The following NCEH1 variants were observed in gnomAD, a reference collection of about 807,000 sequenced individuals.
NCEH1 encodes neutral cholesterol ester hydrolase 1.
A neutral mutation model predicts 25.4 loss-of-function variants in NCEH1; 9 were observed. The observed-to-expected ratio is 0.35, with a 90% CI of 0.21 to 0.62. The LOEUF is 0.62. NCEH1 is among the 20% of genes least tolerant of loss of function. The probability of loss-of-function intolerance (pLI) is 0.72; values close to 1 mark genes in which losing one functional copy is unlikely to be tolerated. For synonymous variants in NCEH1, 200 were observed against 199.8 expected, an observed-to-expected ratio of 1.00 and a Z score of -0.01; for missense variants, 412 against 501.1, an observed-to-expected ratio of 0.82 and a Z score of 1.70.
intron 1 of NCEH1, among the ~76,000 whole-genome samples, chr3:172,685,149 T>C (rs1346953965): frequency 6.6e-6 from 1 of 151,140 alleles, no homozygotes; most frequent in Non-Finnish European, 1.5e-5. Flanking sequence ...AAAAGCTAGC[T>C]GGGTGTGGCA....
intron 1 of NCEH1, among the ~76,000 whole-genome samples, chr3:172,690,374 A>G (rs1045162946): frequency 3.9e-5 from 6 of 152,248 alleles, no homozygotes; most frequent in Non-Finnish European, 7.3e-5. Flanking sequence ...AGAGATTCCA[A>G]TTAAACAAGG....
At chr3:172,643,146 G>C (rs1373647928) in intron 3 of NCEH1, among the ~76,000 whole-genome samples, 1 of 151,992 alleles carries the variant, frequency 6.6e-6, no homozygotes, top group East Asian at 1.9e-4. Context: ...CCATGTTGTT[G>C]ATCAGGCTGG....
intron 3 of NCEH1, 38 bp downstream of exon 3, chr3:172,645,585 A>G (rs761281602): frequency 7.8e-5 from 104 of 1,329,978 alleles, no homozygotes; most frequent in Non-Finnish European, 1.5e-5. Flanking sequence ...GAATTCCTTT[A>G]TAAGAAAAAT....
In NCEH1 at chr3:172,631,987, C is replaced by T. The variant is rs1358833718; in HGVS notation, c.*1488G>A. 6.6e-6 allele frequency: 1 copy of T among 152,636 alleles called. No homozygotes were observed. The highest frequency in any genetic ancestry group is 2.4e-5 in the African/African-American group (1 of 41,458). The allele number at this position is 152,636 out of a possible 1,614,324, so 9.5% of individuals were successfully genotyped here. ...GTTCCCACTGGCAGTGAAGACTTTA[C>T]ATGAAGTTAAGCTTGGGCTGTTGAA... On this transcript the variant is annotated 3_prime_UTR_variant, in exon 5 of 5. Transcript: ENST00000475381.
intron 1 of NCEH1, among the ~76,000 whole-genome samples, chr3:172,696,061 CTT>C (rs1245211399): frequency 1.3e-5 from 2 of 152,128 alleles, no homozygotes; most frequent in African/African-American, 2.4e-5. Flanking sequence ...GACCCTAAAA[CTT>C]TAACTTTAGG....
chr3:172,672,384 G>A (rs763696766), intron 1 of NCEH1, among the ~76,000 whole-genome samples: 2 of 152,062 alleles, frequency 1.3e-5, no homozygotes, highest in Non-Finnish European at 2.9e-5. Context: ...TTTTTAATAC[G>A]CGTTTTAGAA....
At chr3:172,692,752 A>G (rs1006306879) in intron 1 of NCEH1, among the ~76,000 whole-genome samples, 3 of 152,164 alleles carry the variant, frequency 2.0e-5, no homozygotes, top group Admixed American at 6.5e-5. Flanking sequence ...TCATCCTATT[A>G]TTAGCTTATT....
At chr3:172,674,443 CAAAAAAAAAAA>C (rs146923940) in intron 1 of NCEH1, among the ~76,000 whole-genome samples, 1 of 71,038 alleles carries the variant, frequency 1.4e-5, no homozygotes, top group Admixed American at 1.6e-4. Context: ...ACTCTGTCTC[CAAAAAAAAAAA>C]AAAAAAAAAA....
intron 1 of NCEH1, among the ~76,000 whole-genome samples, chr3:172,698,120 G>A (rs1206431085): frequency 6.6e-6 from 1 of 151,904 alleles, no homozygotes; most frequent in Non-Finnish European, 1.5e-5. Flanking sequence ...GGGATTACAG[G>A]CACCCGCCAC....
intron 3 of NCEH1, among the ~76,000 whole-genome samples, chr3:172,638,758 G>C (rs1716716364): frequency 6.6e-6 from 1 of 152,178 alleles, no homozygotes. Flanking sequence ...TGAGTTTTTA[G>C]ATGTTATTTC....
At chr3:172,639,349 T>C (rs1431275432) in intron 3 of NCEH1, among the ~76,000 whole-genome samples, 1 of 150,252 alleles carries the variant, frequency 6.7e-6, no homozygotes, top group East Asian at 1.9e-4. Context: ...ATCCTGAAAG[T>C]AGATATTTAT....
intron 1 of NCEH1, among the ~76,000 whole-genome samples, chr3:172,656,493 G>A (rs1339189091): frequency 6.6e-6 from 1 of 152,120 alleles, no homozygotes; most frequent in Non-Finnish European, 1.5e-5. Context: ...TTGGCTGGGC[G>A]CAGTGGCTCA....
intron 1 of NCEH1, among the ~76,000 whole-genome samples, chr3:172,676,980 T>C (rs2108517273): frequency 6.6e-6 from 1 of 152,258 alleles, no homozygotes; most frequent in South Asian, 2.1e-4. Flanking sequence ...GTACACGAGG[T>C]CATAAACAAA....
At chr3:172,687,610 A>AGGGAGTC in intron 1 of NCEH1, among the ~76,000 whole-genome samples, 1 of 152,330 alleles carries the variant, frequency 6.6e-6, no homozygotes, top group Non-Finnish European at 1.5e-5. Context: ...ATCAGGGAGT[A>AGGGAGTC]GGGAGTCTTG....
At position 172,647,929 on chromosome 3, in the gene NCEH1, G is replaced by A. The variant is rs754484204; in HGVS notation, c.324C>T (p.Ser108=). ...PPKPEEPLKR[S]VVYIHGGGWA... ...AGCCTCCTCCGTGGATATAAACGAC[G>A]CTGCGTTTCAGTGGCTCTTCGGGCT... Residue 108 remains serine (S), a synonymous_variant, in exon 2 of 5, where the codon AGC becomes AGT. Transcript: ENST00000475381. The A allele has an allele frequency of 1.6e-5, 26 of 1,614,058 alleles. No individual in the cohort carries two copies. The South Asian group carries it at 1.6e-4, about 10-fold the overall frequency.
intron 1 of NCEH1, among the ~76,000 whole-genome samples, chr3:172,686,325 T>C (rs1373943244): frequency 1.3e-5 from 2 of 152,218 alleles, no homozygotes; most frequent in African/African-American, 4.8e-5. Context: ...CTCTGCTGGA[T>C]CCAGTTCTTT....
intron 1 of NCEH1, among the ~76,000 whole-genome samples, chr3:172,693,451 C>G (rs1348282067): frequency 7.0e-6 from 1 of 142,720 alleles, no homozygotes; most frequent in Admixed American, 7.0e-5. Context: ...CTTCTAAAGC[C>G]TGAATATGAA....
At chr3:172,655,216 G>A (rs955582342) in intron 1 of NCEH1, among the ~76,000 whole-genome samples, 42 of 152,166 alleles carry the variant, frequency 2.8e-4, no homozygotes, top group African/African-American at 9.7e-4. Flanking sequence ...ACCCTGTCTT[G>A]GCTAGCTGAA....
At chr3:172,702,482 G>T (rs1713751080) in intron 1 of NCEH1, among the ~76,000 whole-genome samples, 2 of 152,096 alleles carry the variant, frequency 1.3e-5, no homozygotes, top group Admixed American at 1.3e-4. Flanking sequence ...CTGGCAGTTG[G>T]TTTATCATCC....
Sources: gnomAD v4.1 joint callset for allele counts (sites outside exome capture counted in the v4.1 genomes callset) on GRCh38, gnomAD v4.1.1 for gene constraint, MANE v1.5 for transcripts, NCBI Gene and HGNC (gene_info 2026-07-23, HGNC 2026-07-21) for gene names.